SUSD1: variants seen among roughly 807,000 people sequenced by gnomAD.
SUSD1 encodes sushi domain containing 1, also known as sushi domain-containing protein 1.
In SUSD1, 65 loss-of-function variants were observed where a neutral mutation model predicts 86.9. The ratio of observed to expected loss-of-function variants is 0.75; its 90% CI spans 0.61 to 0.92. The LOEUF is 0.92. Among genes scored for constraint, SUSD1 ranks in the 40% least tolerant of loss-of-function variants. The probability of loss-of-function intolerance (pLI) is 0.00; values close to 1 mark genes in which losing one functional copy is unlikely to be tolerated. For synonymous variants in SUSD1, 346 were observed against 350.0 expected (o/e 0.99, Z 0.13); for missense variants, 850 against 929.7 (o/e 0.91, Z 1.11).
chr9:112,102,546 G>A (rs1050516443), intron 8 of SUSD1, among the ~76,000 whole-genome samples: 1 of 152,062 alleles, frequency 6.6e-6, no homozygotes, highest in Non-Finnish European at 1.5e-5. Context: ...TTATGTCATA[G>A]GCTGCTTAAT....
At chr9:112,072,907 CA>C (rs1829346755) in intron 12 of SUSD1, among the ~76,000 whole-genome samples, 1 of 152,238 alleles carries the variant, frequency 6.6e-6, no homozygotes, top group South Asian at 2.1e-4. Context: ...CCCTTGGAGC[CA>C]GGGGGGCCCC....
intron 1 of SUSD1, among the ~76,000 whole-genome samples, chr9:112,160,821 C>G (rs1312382595): frequency 1.3e-5 from 2 of 152,132 alleles, no homozygotes; most frequent in Non-Finnish European, 2.9e-5. Flanking sequence ...AATGAAAGTT[C>G]AAGGAACTGG....
chr9:112,136,626 C>T (rs1832278585), intron 5 of SUSD1, among the ~76,000 whole-genome samples: 1 of 152,200 alleles, frequency 6.6e-6, no homozygotes, highest in African/African-American at 2.4e-5. Flanking sequence ...TCCTCCCTCA[C>T]CCATGGTGGC....
At chr9:112,076,748 G>A (rs552138042) in intron 12 of SUSD1, among the ~76,000 whole-genome samples, 1 of 152,082 alleles carries the variant, frequency 6.6e-6, no homozygotes, top group African/African-American at 2.4e-5. Flanking sequence ...GCTGAAGAGG[G>A]GTCATAAAAG....
chr9:112,144,016 G>T (rs1332340494), intron 3 of SUSD1, among the ~76,000 whole-genome samples: 1 of 152,124 alleles, frequency 6.6e-6, no homozygotes, highest in East Asian at 1.9e-4. Flanking sequence ...GAAGCATGTG[G>T]ATCACTTGAG....
Position 112,148,892 on chromosome 9 carries a change from T to G in SUSD1, c.373+352A>C, listed in dbSNP as rs187579448. Among the ~76,000 whole-genome samples, 561 of 145,402 alleles carry G rather than the reference T, an allele frequency of 3.9e-3. 15 individuals carry two copies. The highest frequency in any genetic ancestry group is 0.036 in the Admixed American group (517 of 14,392). ...CTGCACTCCAGCCTGGGCAACAGAG[T>G]GAGACCCCCCCCTTAAAAAAAAAAA... On this transcript the variant is annotated intron_variant, in intron 3 of 16. Coordinates refer to ENST00000374270, the MANE Select transcript of SUSD1 (RefSeq NM_022486.5).
At chr9:112,124,935 AT>A (rs1333169331) in intron 5 of SUSD1, among the ~76,000 whole-genome samples, 2 of 152,196 alleles carry the variant, frequency 1.3e-5, no homozygotes, top group Non-Finnish European at 2.9e-5. Context: ...CAAACCCGGA[AT>A]TACAAAATTG....
At chr9:112,079,082 G>C (rs1425215483) in intron 11 of SUSD1, among the ~76,000 whole-genome samples, 1 of 151,968 alleles carries the variant, frequency 6.6e-6, no homozygotes, top group Non-Finnish European at 1.5e-5. Flanking sequence ...AAAGTGCTGA[G>C]ATCACAGGCG....
intron 1 of SUSD1, among the ~76,000 whole-genome samples, chr9:112,158,117 C>G (rs1326853418): frequency 3.3e-5 from 5 of 152,092 alleles, no homozygotes. Context: ...AGCCACCGAG[C>G]TAGGCCACAG....
chr9:112,089,964 C>A (rs1028011116), intron 10 of SUSD1, among the ~76,000 whole-genome samples: 3 of 152,092 alleles, frequency 2.0e-5, no homozygotes, highest in Non-Finnish European at 2.9e-5. Flanking sequence ...TTCAACTCTG[C>A]CTTTGTTCCA....
intron 5 of SUSD1, among the ~76,000 whole-genome samples, chr9:112,128,869 G>A (rs1019857906): frequency 2.6e-5 from 4 of 152,186 alleles, no homozygotes; most frequent in African/African-American, 4.8e-5. Context: ...GTTAGTGAGA[G>A]GGAGACTGGC....
chr9:112,087,560 A>G (rs1589635161), intron 10 of SUSD1, among the ~76,000 whole-genome samples: 1 of 152,226 alleles, frequency 6.6e-6, no homozygotes, highest in Non-Finnish European at 1.5e-5. Context: ...TCAGGAAAAA[A>G]TAATGAAAAT....
chr9:112,096,730 G>A (rs1187852853), intron 10 of SUSD1, among the ~76,000 whole-genome samples: 1 of 152,034 alleles, frequency 6.6e-6, no homozygotes, highest in African/African-American at 2.4e-5. Flanking sequence ...TATAGAGACA[G>A]AGTTTCACTA....
At chr9:112,124,864 C>T (rs1227580783) in intron 5 of SUSD1, among the ~76,000 whole-genome samples, 1 of 152,118 alleles carries the variant, frequency 6.6e-6, no homozygotes, top group African/African-American at 2.4e-5. Flanking sequence ...AAGTATTTAT[C>T]TCCTAAGGAT....
intron 2 of SUSD1, among the ~76,000 whole-genome samples, chr9:112,156,259 C>T (rs776085018): frequency 5.9e-5 from 9 of 151,846 alleles, no homozygotes; most frequent in South Asian, 4.1e-4. Context: ...GTCAGGAGTT[C>T]GAGACCAGCC....
intron 1 of SUSD1, among the ~76,000 whole-genome samples, chr9:112,171,795 A>G (rs545773822): frequency 1.3e-5 from 2 of 152,192 alleles, no homozygotes; most frequent in South Asian, 4.1e-4. Flanking sequence ...AATACCCCTC[A>G]GTCTAAAATA....
Position 112,052,229 on chromosome 9 carries a change from A to C in SUSD1, c.2149+170T>G, listed in dbSNP as rs1410105374. ...TCTTTGTATAATTCCATAAGCTCCC[A>C]TCCACTCACCCTCCTCCCATTTTTT... is the stretch of plus-strand genomic sequence containing the variant. On this transcript the variant is annotated intron_variant, in intron 15 of 16. Transcript: ENST00000374270. 4.6e-6 allele frequency: 7 copies of C among 1,533,896 alleles called. No individual in the cohort carries two copies. The South Asian group carries it at 7.2e-5, about 16-fold the overall frequency.
intron 5 of SUSD1, among the ~76,000 whole-genome samples, chr9:112,133,430 T>A (rs578030205): frequency 4.0e-4 from 61 of 152,190 alleles, no homozygotes; most frequent in Non-Finnish European, 7.1e-4. Flanking sequence ...AGTCACCTTA[T>A]CTTCTGCAAA....
At chr9:112,144,851 G>A (rs700098) in intron 3 of SUSD1, among the ~76,000 whole-genome samples, 22,582 of 152,114 alleles carry the variant, frequency 0.15, 2,224 homozygotes, top group East Asian at 0.42. Flanking sequence ...AGAGGCAGCA[G>A]GTATAGGGTA....
Sources: gnomAD v4.1 joint callset for allele counts (sites outside exome capture counted in the v4.1 genomes callset) on GRCh38, gnomAD v4.1.1 for gene constraint, MANE v1.5 for transcripts, NCBI Gene and HGNC (gene_info 2026-07-23, HGNC 2026-07-21) for gene names.